The following PRKAR2B variants were observed in gnomAD, a reference collection of about 807,000 sequenced individuals.
The protein encoded by PRKAR2B is protein kinase cAMP-dependent type II regulatory subunit beta.
Under a neutral mutation model 49.9 loss-of-function variants are expected in PRKAR2B, and 14 were observed. That is an observed-to-expected ratio of 0.28 (90% CI 0.19 to 0.44). PRKAR2B has a LOEUF of 0.44. PRKAR2B is among the 20% of genes least tolerant of loss of function. PRKAR2B has a pLI of 1.00. For synonymous variants in PRKAR2B, 196 were observed against 197.7 expected (o/e 0.99, Z 0.07); for missense variants, 393 against 537.9 (o/e 0.73, Z 2.67).
chr7:107,062,851 T>C lies in PRKAR2B; in HGVS notation c.308-7430T>C, dbSNP rs572703157. Among the ~76,000 whole-genome samples, 10 of 152,302 alleles carry C rather than the reference T, an allele frequency of 6.6e-5. No homozygotes were observed. The South Asian group carries it at 2.1e-3, about 32-fold the overall frequency. On this transcript the variant is annotated intron_variant, in intron 1 of 10. Transcript: ENST00000265717. The stretch of plus-strand genomic sequence containing the variant: ...TAAAACCAGGTTACATTTTCATAAT[T>C]GTGGGGCATAAATGGTACTGCTTTT...
At chr7:107,086,744 C>T (rs774156402) in intron 2 of PRKAR2B, among the ~76,000 whole-genome samples, 6 of 152,028 alleles carry the variant, frequency 3.9e-5, no homozygotes, top group Admixed American at 1.3e-4. Flanking sequence ...ATTAGGCATG[C>T]GCCCCCTCAC....
chr7:107,045,263 C>T (rs1398472833), intron 1 of PRKAR2B, 49 bp downstream of exon 1: 103 of 1,367,528 alleles, frequency 7.5e-5, no homozygotes, highest in Non-Finnish European at 9.6e-5. Context: ...CTCGCTGCCC[C>T]CCACCGCTCC....
chr7:107,054,034 A>G (rs1229820799), intron 1 of PRKAR2B, among the ~76,000 whole-genome samples: 1 of 152,200 alleles, frequency 6.6e-6, no homozygotes, highest in Non-Finnish European at 1.5e-5. Context: ...ATTCTTTTGT[A>G]AATATGCATT....
rs534991992 is a variant in PRKAR2B at position 107,088,490 on chromosome 7, A to G, written c.343+18174A>G. Among the ~76,000 whole-genome samples the G allele has an allele frequency of 1.2e-3, 185 of 152,322 alleles. 2 individuals carry two copies. Among genetic ancestry groups the G allele is most frequent in the African/African-American group, 4.4e-3 (182 of 41,584 alleles). On this transcript the variant is annotated intron_variant, in intron 2 of 10. Transcript: ENST00000265717. ...TCATTTGTCAGCAGTGTGAATGTTT[A>G]TCTTTTTGACATCATTCTTACGTCT...
chr7:107,150,901 CT>C lies in PRKAR2B; in HGVS notation c.742-18del. The stretch of plus-strand genomic sequence containing the variant: ...TAGCTTTACCCCCATAAAATTTACC[CT>C]TTAACTGTTCTGCCTGTAGGACAGG... On this transcript the variant is annotated intron_variant, in intron 6 of 10. Coordinates refer to ENST00000265717, the MANE Select transcript of PRKAR2B (RefSeq NM_002736.3). The C allele has an allele frequency of 7.2e-7, 1 of 1,388,638 alleles. No individual in the cohort carries two copies. The highest frequency in any genetic ancestry group is 1.0e-6 in the Non-Finnish European group (1 of 993,958). 86.0% of individuals were successfully genotyped at this position (1,388,638 alleles called of 1,614,324 possible).
Position 107,128,266 on chromosome 7 carries a change from G to A in PRKAR2B, c.451G>A (p.Asp151Asn), listed in dbSNP as rs748545506. ...QRNRLQEACK[D>N]ILLFKNLDPE... is the part of the protein sequence containing the mutation. ...AAATAGGTTGCAAGAGGCTTGCAAA[G>A]ACATCCTGCTGTTTAAGAATCTGGA... is the stretch of plus-strand genomic sequence containing the variant. The change falls in exon 4 of 11, where the codon GAC becomes AAC. Residue 151 changes from aspartate (D) to asparagine (N), a missense_variant. By Grantham distance (23) the Asp-to-Asn change is conservative. This residue lies in a region of PRKAR2B where 233 missense variants were observed against 390.4 expected (regional missense o/e 0.60). Coordinates refer to ENST00000265717, the MANE Select transcript of PRKAR2B (RefSeq NM_002736.3). The A allele has an allele frequency of 2.5e-6, 4 of 1,612,584 alleles. No individual in the cohort carries two copies.
intron 2 of PRKAR2B, among the ~76,000 whole-genome samples, chr7:107,115,115 A>G (rs927597603): frequency 6.6e-6 from 1 of 151,650 alleles, no homozygotes; most frequent in South Asian, 2.1e-4. Flanking sequence ...TTTAGAACCT[A>G]CCTAAATAAA....
At chr7:107,143,632 A>G (rs1226417281) in intron 5 of PRKAR2B, among the ~76,000 whole-genome samples, 1 of 152,244 alleles carries the variant, frequency 6.6e-6, no homozygotes, top group African/African-American at 2.4e-5. Flanking sequence ...TATTGGTAGC[A>G]TATAAATTCA....
intron 1 of PRKAR2B, among the ~76,000 whole-genome samples, chr7:107,047,549 CAA>C (rs1793722460): frequency 6.7e-6 from 1 of 150,362 alleles, no homozygotes; most frequent in South Asian, 2.1e-4. Flanking sequence ...AAAAAAAAGT[CAA>C]AATAGTACCA....
At chr7:107,144,856 A>T (rs1490132272) in intron 5 of PRKAR2B, among the ~76,000 whole-genome samples, 2 of 149,142 alleles carry the variant, frequency 1.3e-5, no homozygotes, top group African/African-American at 5.0e-5. Context: ...GGTTTAGTCA[A>T]CAGAATAAAG....
intron 2 of PRKAR2B, among the ~76,000 whole-genome samples, chr7:107,114,557 A>C (rs936564901): frequency 1.6e-5 from 2 of 124,044 alleles, no homozygotes; most frequent in Non-Finnish European, 3.4e-5. Flanking sequence ...TTTCTTGGAG[A>C]GGGCATTTCG....
intron 1 of PRKAR2B, among the ~76,000 whole-genome samples, chr7:107,066,301 GGTGTGTGTGTGTGT>G (rs3074837): frequency 6.9e-6 from 1 of 145,508 alleles, no homozygotes; most frequent in Non-Finnish European, 1.5e-5. Flanking sequence ...CTCTATGTGG[GGTGTGTGTGTGTGT>G]GTGTGTGTGT....
At chr7:107,054,824 T>A (rs941769106) in intron 1 of PRKAR2B, among the ~76,000 whole-genome samples, 10 of 152,342 alleles carry the variant, frequency 6.6e-5, no homozygotes, top group African/African-American at 1.4e-4. Context: ...GACTTTTTTT[T>A]ATTATACTTT....
intron 2 of PRKAR2B, among the ~76,000 whole-genome samples, chr7:107,101,135 A>ATTTTTTTTTTTTTTTTTTTTTTTTTT (rs950761298): frequency 3.2e-5 from 3 of 94,688 alleles, no homozygotes; most frequent in Non-Finnish European, 6.1e-5. Context: ...GTTGTTGCTT[A>ATTTTTTTTTTTTTTTTTTTTTTTTTT]TTTTTTTTTT....
intron 2 of PRKAR2B, among the ~76,000 whole-genome samples, chr7:107,110,300 G>A (rs1280439195): frequency 1.3e-5 from 2 of 152,064 alleles, no homozygotes; most frequent in Admixed American, 6.5e-5. Context: ...GGGCTAAAGT[G>A]CTCTGGGGCC....
intron 1 of PRKAR2B, among the ~76,000 whole-genome samples, chr7:107,046,460 A>G (rs968071261): frequency 6.6e-6 from 1 of 152,198 alleles, no homozygotes; most frequent in African/African-American, 2.4e-5. Flanking sequence ...AAATTAGTGT[A>G]TTTTTAGTTT....
At chr7:107,055,247 A>G (rs1432821660) in intron 1 of PRKAR2B, among the ~76,000 whole-genome samples, 2 of 152,176 alleles carry the variant, frequency 1.3e-5, no homozygotes, top group South Asian at 2.1e-4. Flanking sequence ...AGTCTTTGCT[A>G]TTGTGAATAA....
intron 1 of PRKAR2B, among the ~76,000 whole-genome samples, chr7:107,053,525 A>AGTGTGTGTGTGTGTGT (rs56855022): frequency 7.0e-6 from 1 of 141,892 alleles, no homozygotes; most frequent in Non-Finnish European, 1.5e-5. Context: ...GATTATAAAG[A>AGTGTGTGTGTGTGTGT]GTGTGTGTGT....
intron 3 of PRKAR2B, among the ~76,000 whole-genome samples, chr7:107,125,130 G>A (rs1795461243): frequency 6.6e-6 from 1 of 152,002 alleles, no homozygotes; most frequent in Non-Finnish European, 1.5e-5. Flanking sequence ...TAGCCTAGAG[G>A]CCATACATAC....
Sources: gnomAD v4.1 joint callset for allele counts (sites outside exome capture counted in the v4.1 genomes callset) on GRCh38, gnomAD v4.1.1 for gene constraint, gnomAD v4.1.1 regional missense constraint, MANE v1.5 for transcripts, NCBI Gene and HGNC (gene_info 2026-07-23, HGNC 2026-07-21) for gene names.